Variants in TIFAB observed in about 807,000 individuals in gnomAD.
TIFAB encodes TIFA inhibitor.
For missense variants in TIFAB, 222 were observed against 203.6 expected (o/e 1.09, Z -0.55); for synonymous variants, 116 against 95.2 (o/e 1.22, Z -1.27).
At chr5:135,450,046 T>G in intron 1 of TIFAB, 97 bp from the exon 2 acceptor site, 32 of 1,440,428 alleles carry the variant, frequency 2.2e-5, no homozygotes, top group Non-Finnish European at 3.0e-5. Flanking sequence ...AGGGGCCCTG[T>G]GCCTGTTCAT....
At position 135,448,068 on chromosome 5, in the gene TIFAB, G is replaced by T. The variant is rs1561707872; in HGVS notation, c.*1386C>A. 1 of 152,144 alleles carries T rather than the reference G, an allele frequency of 6.6e-6. No homozygotes were observed. Among genetic ancestry groups the T allele is most frequent in the Non-Finnish European group, 1.5e-5 (1 of 68,024 alleles). 9.4% of individuals were successfully genotyped at this position (152,144 alleles called of 1,614,324 possible). On this transcript the variant is annotated 3_prime_UTR_variant, in exon 2 of 2. Coordinates refer to ENST00000537858, the MANE Select transcript of TIFAB (RefSeq NM_001099221.2). Reference sequence around the variant, plus strand: ...GAGTGTTTTTGCTTCATCCCTATTGGAGAGGAAGCTTCCCACACCAGGGCA... The same window carrying T: ...GAGTGTTTTTGCTTCATCCCTATTGTAGAGGAAGCTTCCCACACCAGGGCA...
chr5:135,445,514 C>T lies in TIFAB; in HGVS notation c.*3940G>A, dbSNP rs1769240717. ...CCCATGCCGGGCCTGAGGGGCCTGG[C>T]TCAGACTTTAGTATCCAAGGGGACT... is the stretch of plus-strand genomic sequence containing the variant. On this transcript the variant is annotated 3_prime_UTR_variant, in exon 2 of 2. Transcript: ENST00000537858. The T allele has an allele frequency of 6.6e-6, 1 of 152,424 alleles. No individual in the cohort carries two copies. The highest frequency in any genetic ancestry group is 6.5e-5 in the Admixed American group (1 of 15,290). The allele number at this position is 152,424 out of a possible 1,614,324, so 9.4% of individuals were successfully genotyped here.
rs1206143803 is a variant in TIFAB, at chr5:135,447,381, G to A, written c.*2073C>T. ...CTTACTGGGGTGTGAGTCTTCCTTAGCTCCGTGTGGATGGTGAGCCCTCCT... is the reference window on the plus strand; with the variant it reads ...CTTACTGGGGTGTGAGTCTTCCTTAACTCCGTGTGGATGGTGAGCCCTCCT... On this transcript the variant is annotated 3_prime_UTR_variant, in exon 2 of 2. Coordinates refer to ENST00000537858, the MANE Select transcript of TIFAB (RefSeq NM_001099221.2). 1 of 515,340 alleles carries A rather than the reference G, an allele frequency of 1.9e-6. No homozygotes were observed. The allele number at this position is 515,340 out of a possible 1,614,324, so 31.9% of individuals were successfully genotyped here.
Position 135,447,194 on chromosome 5 carries a change from C to G in TIFAB, c.*2260G>C, listed in dbSNP as rs944456653. 7 of 1,547,126 alleles carry G rather than the reference C, an allele frequency of 4.5e-6. No individual in the cohort carries two copies. The African/African-American group carries it at 9.5e-5, about 21-fold the overall frequency. On this transcript the variant is annotated 3_prime_UTR_variant, in exon 2 of 2. Transcript: ENST00000537858. ...ATGTGGCTTCTTCTCCTTGCCAGCCCTACCAGGGCATCTCCCATTATACTA... is the reference window on the plus strand; with the variant it reads ...ATGTGGCTTCTTCTCCTTGCCAGCCGTACCAGGGCATCTCCCATTATACTA...
chr5:135,447,055 C>T lies in TIFAB; in HGVS notation c.*2399G>A, dbSNP rs780923445. The T allele has an allele frequency of 3.1e-6, 5 of 1,613,908 alleles. No homozygotes were observed. In the Admixed American group the frequency reaches 8.3e-5, roughly 27 times the overall value. Reference sequence around the variant, plus strand: ...CCAGTCTTTGGTGTCCAGGTACAGTCTCCAGGCCGTGGCTTCTCGAGTTCT... The same window carrying T: ...CCAGTCTTTGGTGTCCAGGTACAGTTTCCAGGCCGTGGCTTCTCGAGTTCT... On this transcript the variant is annotated 3_prime_UTR_variant, in exon 2 of 2. Coordinates refer to ENST00000537858, the MANE Select transcript of TIFAB (RefSeq NM_001099221.2).
intron 1 of TIFAB, among the ~76,000 whole-genome samples, 151 bp downstream of exon 1, chr5:135,452,058 G>T (rs1769370094): frequency 6.6e-6 from 1 of 152,192 alleles, no homozygotes; most frequent in Non-Finnish European, 1.5e-5. Context: ...AGGTGTTCTG[G>T]GGAAACAGAA....
At position 135,446,229 on chromosome 5, in the gene TIFAB, T is replaced by C. The variant is rs1358334148; in HGVS notation, c.*3225A>G. The C allele has an allele frequency of 1.2e-4, 113 of 955,122 alleles. No homozygotes were observed. Among genetic ancestry groups the C allele is most frequent in the East Asian group, 3.9e-4 (16 of 40,568 alleles). 59.2% of individuals were successfully genotyped at this position (955,122 alleles called of 1,614,324 possible). ...TTACTTGTCCAGGATCACAGAACTA[T>C]AGTAAGTGGGGGTGGGGACAAGAAT... On this transcript the variant is annotated 3_prime_UTR_variant, in exon 2 of 2. Coordinates refer to ENST00000537858, the MANE Select transcript of TIFAB (RefSeq NM_001099221.2).
intron 1 of TIFAB, among the ~76,000 whole-genome samples, chr5:135,451,731 G>T (rs1457845730): frequency 6.6e-6 from 1 of 152,088 alleles, no homozygotes. Context: ...TGATCCGCCC[G>T]CCCCGACCTT....
At position 135,449,664 on chromosome 5, in the gene TIFAB, C is replaced by A. The variant is rs772330685; in HGVS notation, c.276G>T (p.Arg92Ser). Reference protein sequence around the residue: ...GCVWVNGLTLRYLEQVPLSTV... With the variant: ...GCVWVNGLTLSYLEQVPLSTV... ...TGCTCAGGGGGACCTGCTCCAGGTA[C>A]CTCAGCGTCAGCCCATTGACCCACA... Residue 92 changes from arginine to serine, a missense_variant, in exon 2 of 2, where the codon AGG becomes AGT. Transcript: ENST00000537858. The A allele has an allele frequency of 6.2e-7, 1 of 1,614,166 alleles. No homozygotes were observed. The highest frequency in any genetic ancestry group is 1.1e-5 in the South Asian group (1 of 91,086).
rs930613777 is a variant in TIFAB, at chr5:135,449,872, G to A, written c.68C>T (p.Ala23Val). 1.3e-6 allele frequency: 2 copies of A among 1,579,418 alleles called. No individual in the cohort carries two copies. Among genetic ancestry groups the A allele is most frequent in the Admixed American group, 3.5e-5 (2 of 57,610 alleles). ...ATGCTGCAGCCGTGGTGGGACATTG[G>A]CAAAGGCAGATGGGCCCAGCGTGGG... Reference protein sequence around the residue: ...YHPTLGPSAFANVPPRLQHDT... With the variant: ...YHPTLGPSAFVNVPPRLQHDT... Residue 23 changes from alanine to valine, a missense_variant, in exon 2 of 2, where the codon GCC becomes GTC. Transcript: ENST00000537858.
rs759192861 is a variant in TIFAB, at chr5:135,446,988, G to C, written c.*2466C>G. ...AAGTTCTCTGGTGGAGCTGGGGAGTGGCACCCTGGGAACTCTGGGGTTTCC... is the reference window on the plus strand; with the variant it reads ...AAGTTCTCTGGTGGAGCTGGGGAGTCGCACCCTGGGAACTCTGGGGTTTCC... On this transcript the variant is annotated 3_prime_UTR_variant, in exon 2 of 2. Coordinates refer to ENST00000537858, the MANE Select transcript of TIFAB (RefSeq NM_001099221.2). 11 of 1,613,046 alleles carry C rather than the reference G, an allele frequency of 6.8e-6. No individual in the cohort carries two copies. The East Asian group carries it at 2.5e-4, about 36-fold the overall frequency.
At position 135,446,187 on chromosome 5, in the gene TIFAB, G is replaced by A; in HGVS notation, c.*3267C>T. The stretch of plus-strand genomic sequence containing the variant: ...CCCGTTTTCTACAAGAAGAAACTGT[G>A]GCACGGAGAGATTCAGTTACTTGTC... On this transcript the variant is annotated 3_prime_UTR_variant, in exon 2 of 2. Transcript: ENST00000537858. 1 of 670,592 alleles carries A rather than the reference G, an allele frequency of 1.5e-6. No individual in the cohort carries two copies. Among genetic ancestry groups the A allele is most frequent in the Non-Finnish European group, 2.4e-6 (1 of 412,634 alleles). The allele number at this position is 670,592 out of a possible 1,614,324, so 41.5% of individuals were successfully genotyped here.
In TIFAB at chr5:135,449,229, A is replaced by G. The variant is rs1769323981; in HGVS notation, c.*225T>C. The G allele has an allele frequency of 3.0e-6, 2 of 667,072 alleles. No individual in the cohort carries two copies. The highest frequency in any genetic ancestry group is 6.0e-5 in the Admixed American group (2 of 33,390). The allele number at this position is 667,072 out of a possible 1,614,324, so 41.3% of individuals were successfully genotyped here. On this transcript the variant is annotated 3_prime_UTR_variant, in exon 2 of 2. Transcript: ENST00000537858. ...TTTGCAGAATTGGTTCATTATGAGCAAGGCAGCCAGTGGGTTTTGCTTGTC... is the reference window on the plus strand; with the variant it reads ...TTTGCAGAATTGGTTCATTATGAGCGAGGCAGCCAGTGGGTTTTGCTTGTC...
chr5:135,445,662 A>G lies in TIFAB; in HGVS notation c.*3792T>C, dbSNP rs1419755861. ...TTGTCTGCAAGGAACTTGAGGTCTCACCGGGCAGACAGGCACGGAGTGAGT... is the reference window on the plus strand; with the variant it reads ...TTGTCTGCAAGGAACTTGAGGTCTCGCCGGGCAGACAGGCACGGAGTGAGT... On this transcript the variant is annotated 3_prime_UTR_variant, in exon 2 of 2. Coordinates refer to ENST00000537858, the MANE Select transcript of TIFAB (RefSeq NM_001099221.2). 6.6e-6 allele frequency: 1 copy of G among 152,312 alleles called. No individual in the cohort carries two copies. The highest frequency in any genetic ancestry group is 1.5e-5 in the Non-Finnish European group (1 of 68,150). 9.4% of individuals were successfully genotyped at this position (152,312 alleles called of 1,614,324 possible). A position where few individuals can be genotyped will look rare whatever the true frequency, so the allele number is the denominator to read the frequency against.
chr5:135,450,757 C>G (rs1320993829), intron 1 of TIFAB: 1 of 152,260 alleles, frequency 6.6e-6, no homozygotes, highest in Non-Finnish European at 1.5e-5. Flanking sequence ...TATACATTCT[C>G]TGGGTACCAG....
At position 135,446,640 on chromosome 5, in the gene TIFAB, G is replaced by A; in HGVS notation, c.*2814C>T. The A allele has an allele frequency of 6.2e-7, 1 of 1,614,034 alleles. No homozygotes were observed. Among genetic ancestry groups the A allele is most frequent in the Non-Finnish European group, 8.5e-7 (1 of 1,179,888 alleles). On this transcript the variant is annotated 3_prime_UTR_variant, in exon 2 of 2. Transcript: ENST00000537858. Reference sequence around the variant, plus strand: ...CAGAGCTTAACTGCCTTAAAAACTTGGTACAGGGCAAGGTGTGAGTTTCCC... The same window carrying A: ...CAGAGCTTAACTGCCTTAAAAACTTAGTACAGGGCAAGGTGTGAGTTTCCC...
rs1769334604 is a variant in TIFAB at position 135,449,795 on chromosome 5, G to A, written c.145C>T (p.Gln49Ter). ...GRGQDAHLQL[Q>*]LPRLSRRHLS... is the part of the protein sequence containing the mutation. ...TGACGGCGGGAGAGGCGAGGGAGCT[G>A]CAGCTGGAGGTGGGCGTCCTGCCCC... is the stretch of plus-strand genomic sequence containing the variant. Residue 49 changes from glutamine to a stop codon, truncating the protein, a stop_gained, in exon 2 of 2, where the codon CAG (glutamine) becomes TAG (stop). Transcript: ENST00000537858. LOFTEE classifies it low-confidence loss of function (END_TRUNC). 1 of 1,610,652 alleles carries A rather than the reference G, an allele frequency of 6.2e-7. No individual in the cohort carries two copies. Among genetic ancestry groups the A allele is most frequent in the Non-Finnish European group, 8.5e-7 (1 of 1,177,258 alleles).
chr5:135,450,051 G>A, intron 1 of TIFAB, 102 bp from the exon 2 acceptor site: 1 of 1,438,738 alleles, frequency 7.0e-7, no homozygotes, highest in Non-Finnish European at 9.3e-7. Context: ...CCCTGTGCCT[G>A]TTCATACAAT....
At position 135,446,673 on chromosome 5, in the gene TIFAB, CTG is replaced by C; in HGVS notation, c.*2779_*2780del. 2 of 1,613,932 alleles carry C rather than the reference CTG, an allele frequency of 1.2e-6. No homozygotes were observed. The highest frequency in any genetic ancestry group is 1.7e-6 in the Non-Finnish European group (2 of 1,179,804). ...GCAAGGTGTGAGTTTCCCGGTGAGA[CTG>C]TGTGAACTGTGAACGGGTAGAGTCT... is the stretch of plus-strand genomic sequence containing the variant. On this transcript the variant is annotated 3_prime_UTR_variant, in exon 2 of 2. Transcript: ENST00000537858.
Sources: allele counts gnomAD v4.1 joint callset (sites outside exome capture counted in the v4.1 genomes callset), GRCh38; gene constraint gnomAD v4.1.1; transcripts MANE v1.5; gene names NCBI Gene and HGNC (gene_info 2026-07-23, HGNC 2026-07-21).